SLC5A1: variants seen among roughly 807,000 people sequenced by gnomAD.
SLC5A1 encodes sodium/glucose cotransporter 1.
In SLC5A1, 42 loss-of-function variants were observed where a neutral mutation model predicts 73.5. The observed-to-expected ratio is 0.57, with a 90% CI of 0.45 to 0.74. The LOEUF (loss-of-function observed/expected upper bound fraction) is 0.74. Ranked by LOEUF, SLC5A1 falls within the 30% of genes least tolerant of loss-of-function variation. The pLI is 0.00. For missense variants in SLC5A1, 634 were observed against 855.4 expected (o/e 0.74, Z 3.23); for synonymous variants, 300 against 317.4 (o/e 0.95, Z 0.58).
intron 11 of SLC5A1, among the ~76,000 whole-genome samples, chr22:32,092,200 T>C (rs1488253835): frequency 2.6e-5 from 4 of 152,236 alleles, no homozygotes; most frequent in African/African-American, 9.6e-5. Flanking sequence ...ATATGATGTT[T>C]GGTTTTCCAT....
Position 32,084,908 on chromosome 22 carries a change from G to A in SLC5A1, c.894G>A (p.Val298=). 6.2e-7 allele frequency: 1 copy of A among 1,614,164 alleles called. No individual in the cohort carries two copies. The highest frequency in any genetic ancestry group is 2.2e-5 in the East Asian group (1 of 44,880). The change falls in exon 9 of 15, where the codon GTG becomes GTA. Residue 298 remains valine, a synonymous_variant. Coordinates refer to ENST00000266088, the MANE Select transcript of SLC5A1 (RefSeq NM_000343.4). ...TGGGCTTTTTCTGGCAGGTCATTGT[G>A]CAGCGCTGCCTCTCAGCCAAGAATA... ...LWYWCTDQVI[V]QRCLSAKNMS... is the part of the protein sequence containing the mutation.
chr22:32,072,320 T>C (rs2093984026), intron 5 of SLC5A1, among the ~76,000 whole-genome samples: 1 of 152,142 alleles, frequency 6.6e-6, no homozygotes, highest in Non-Finnish European at 1.5e-5. Context: ...CAGTATTTGG[T>C]TTTCTGTTCC....
intron 14 of SLC5A1, among the ~76,000 whole-genome samples, 153 bp downstream of exon 14, chr22:32,105,044 G>C (rs1297841961): frequency 6.6e-6 from 1 of 152,200 alleles, no homozygotes; most frequent in Non-Finnish European, 1.5e-5. Flanking sequence ...ATGGATAAGT[G>C]GGTTTGGGGA....
At chr22:32,063,438 G>C (rs1358755394) in intron 2 of SLC5A1, among the ~76,000 whole-genome samples, 1 of 152,208 alleles carries the variant, frequency 6.6e-6, no homozygotes, top group Non-Finnish European at 1.5e-5. Context: ...TAATCACCCA[G>C]AGAGTAAGAG....
At chr22:32,081,323 G>A (rs1320257289) in intron 5 of SLC5A1, among the ~76,000 whole-genome samples, 1 of 152,142 alleles carries the variant, frequency 6.6e-6, no homozygotes, top group African/African-American at 2.4e-5. Context: ...TGATGTTCTG[G>A]TTGTGTCTGA....
At chr22:32,105,113 C>T (rs558533783) in intron 14 of SLC5A1, among the ~76,000 whole-genome samples, 1 of 152,196 alleles carries the variant, frequency 6.6e-6, no homozygotes, top group East Asian at 1.9e-4. Context: ...TCCCTCACCC[C>T]TCATATTTAA....
At chr22:32,105,736 C>T (rs1428185136) in intron 14 of SLC5A1, among the ~76,000 whole-genome samples, 1 of 152,198 alleles carries the variant, frequency 6.6e-6, no homozygotes, top group Non-Finnish European at 1.5e-5. Context: ...CAGACCCCCA[C>T]TACCCTTCCC....
chr22:32,087,544 G>A (rs1010144014), intron 10 of SLC5A1, among the ~76,000 whole-genome samples: 1 of 152,166 alleles, frequency 6.6e-6, no homozygotes, highest in African/African-American at 2.4e-5. Context: ...TGAGGCAGGA[G>A]ATGGATGGCA....
chr22:32,077,478 G>A (rs1442043080), intron 5 of SLC5A1, among the ~76,000 whole-genome samples: 1 of 151,712 alleles, frequency 6.6e-6, no homozygotes, highest in African/African-American at 2.4e-5. Context: ...GAGCAATCTG[G>A]GATAAGCTGT....
At chr22:32,091,824 AC>A in intron 11 of SLC5A1, 62 bp downstream of exon 11, 4 of 1,575,736 alleles carry the variant, frequency 2.5e-6, no homozygotes, top group Non-Finnish European at 3.5e-6. Context: ...CATCTGTGTT[AC>A]CCCTCAAGCT....
chr22:32,102,297 T>C, intron 13 of SLC5A1, 60 bp downstream of exon 13: 1 of 1,322,720 alleles, frequency 7.6e-7, no homozygotes, highest in Non-Finnish European at 1.1e-6. Context: ...TGTTCTTTAA[T>C]TTTTTTTAAA....
chr22:32,102,835 TA>T (rs2094038914), intron 13 of SLC5A1, among the ~76,000 whole-genome samples: 1 of 152,244 alleles, frequency 6.6e-6, no homozygotes, highest in Admixed American at 6.5e-5. Context: ...TTTGTCTTTT[TA>T]TGCCTGGCTT....
intron 5 of SLC5A1, among the ~76,000 whole-genome samples, chr22:32,080,882 T>C (rs2093998711): frequency 6.6e-6 from 1 of 152,080 alleles, no homozygotes; most frequent in South Asian, 2.1e-4. Flanking sequence ...TAATCCCAGC[T>C]ACTCAGGAGG....
chr22:32,101,111 A>C (rs1470801201), intron 12 of SLC5A1, among the ~76,000 whole-genome samples: 1 of 152,190 alleles, frequency 6.6e-6, no homozygotes, highest in Non-Finnish European at 1.5e-5. Context: ...ATGCCATGCC[A>C]TGTGTGGGGG....
intron 2 of SLC5A1, among the ~76,000 whole-genome samples, chr22:32,061,771 ATGT>A (rs1211540791): frequency 2.6e-5 from 4 of 152,322 alleles, no homozygotes; most frequent in South Asian, 4.1e-4. Flanking sequence ...AAGGTGGATG[ATGT>A]TAAAATCTTA....
At chr22:32,065,276 C>T (rs947797642) in intron 2 of SLC5A1, among the ~76,000 whole-genome samples, 2 of 152,042 alleles carry the variant, frequency 1.3e-5, no homozygotes, top group South Asian at 2.1e-4. Context: ...ATGTTAAGAT[C>T]ACAAATCATT....
rs200534187 is a variant in SLC5A1, at chr22:32,091,562, A to G, written c.1130-50A>G. On this transcript the variant is annotated intron_variant, in intron 10 of 14. Transcript: ENST00000266088. ...AGTCCTCATATATTTTTCAAGTACA[A>G]AAGAGCTGAAGGTGCTGTTATGTGC... The G allele has an allele frequency of 1.9e-5, 31 of 1,608,380 alleles. 1 individual carries two copies. In the African/African-American group the frequency reaches 3.6e-4, roughly 19 times the overall value.
intron 2 of SLC5A1, among the ~76,000 whole-genome samples, chr22:32,052,462 A>T (rs569353244): frequency 1.3e-5 from 2 of 152,320 alleles, no homozygotes; most frequent in African/African-American, 4.8e-5. Context: ...GTCCCAACAC[A>T]TGGGTGGGGA....
intron 11 of SLC5A1, among the ~76,000 whole-genome samples, chr22:32,095,600 C>T (rs1021342152): frequency 3.3e-5 from 5 of 152,026 alleles, no homozygotes; most frequent in South Asian, 2.1e-4. Flanking sequence ...TATAATGTTC[C>T]TCTTTGTCTT....
Sources: gnomAD v4.1 joint callset for allele counts (sites outside exome capture counted in the v4.1 genomes callset) on GRCh38, gnomAD v4.1.1 for gene constraint, MANE v1.5 for transcripts, NCBI Gene and HGNC (gene_info 2026-07-23, HGNC 2026-07-21) for gene names.